The following B3GALT1 variants were observed in gnomAD, a reference collection of about 807,000 sequenced individuals.
B3GALT1 encodes beta-1,3-galactosyltransferase 1, also known as UDP-Gal:betaGlcNAc beta 1,3-galactosyltransferase, polypeptide 1.
A neutral mutation model predicts 23.2 loss-of-function variants in B3GALT1; 10 were observed. The observed-to-expected ratio is 0.43, with a 90% CI of 0.27 to 0.73. The LOEUF (loss-of-function observed/expected upper bound fraction) is 0.73, where lower values mean the gene tolerates loss of function less well. B3GALT1 is among the 30% of genes least tolerant of loss of function. B3GALT1 has a pLI of 0.21. For missense variants in B3GALT1, 299 were observed against 405.4 expected, an observed-to-expected ratio of 0.74 and a Z score of 2.25; for synonymous variants, 156 against 141.5, an observed-to-expected ratio of 1.10 and a Z score of -0.73.
At chr2:167,321,454 G>A (rs182572116) in intron 1 of B3GALT1, among the ~76,000 whole-genome samples, 1 of 151,946 alleles carries the variant, frequency 6.6e-6, no homozygotes, top group Non-Finnish European at 1.5e-5. Flanking sequence ...AAACAGCTTT[G>A]AATTCCACCT....
At chr2:167,443,461 T>G (rs552094330) in intron 1 of B3GALT1, among the ~76,000 whole-genome samples, 3 of 152,242 alleles carry the variant, frequency 2.0e-5, no homozygotes, top group African/African-American at 7.2e-5. Flanking sequence ...TAAATTACCT[T>G]GGGCAGTATG....
chr2:167,398,439 C>G (rs1698133205), intron 1 of B3GALT1, among the ~76,000 whole-genome samples: 1 of 152,136 alleles, frequency 6.6e-6, no homozygotes, highest in African/African-American at 2.4e-5. Context: ...TGCTATCTCT[C>G]TATTCTCCAA....
intron 2 of B3GALT1, among the ~76,000 whole-genome samples, 137 bp from the exon 3 acceptor site, chr2:167,646,772 T>C (rs1685754664): frequency 6.6e-6 from 1 of 152,204 alleles, no homozygotes; most frequent in African/African-American, 2.4e-5. Context: ...AATTATTTGT[T>C]AGTGAAATGC....
intron 1 of B3GALT1, among the ~76,000 whole-genome samples, chr2:167,307,452 A>G (rs1298935391): frequency 2.0e-5 from 3 of 152,022 alleles, no homozygotes; most frequent in South Asian, 2.1e-4. Flanking sequence ...TTGTAGTTCT[A>G]TGTACTTATT....
intron 3 of B3GALT1, among the ~76,000 whole-genome samples, chr2:167,787,929 C>T (rs1368075689): frequency 6.6e-6 from 1 of 152,126 alleles, no homozygotes; most frequent in Non-Finnish European, 1.5e-5. Context: ...GCCAAAGAGC[C>T]AGCATTTGGG....
At chr2:167,519,624 T>G (rs572227082) in intron 2 of B3GALT1, among the ~76,000 whole-genome samples, 150 of 152,342 alleles carry the variant, frequency 9.8e-4, no homozygotes, top group African/African-American at 3.4e-3. Flanking sequence ...TTTTAATAAC[T>G]CTATAGCATT....
At chr2:167,784,178 G>A (rs1484118390) in intron 3 of B3GALT1, among the ~76,000 whole-genome samples, 1 of 152,040 alleles carries the variant, frequency 6.6e-6, no homozygotes, top group Non-Finnish European at 1.5e-5. Flanking sequence ...ACACACAAAG[G>A]GCCTGAAGCT....
intron 2 of B3GALT1, among the ~76,000 whole-genome samples, chr2:167,623,352 C>T (rs955989286): frequency 6.6e-6 from 1 of 152,040 alleles, no homozygotes; most frequent in African/African-American, 2.4e-5. Context: ...TTAGAACCAA[C>T]CCAAATGCCC....
chr2:167,299,520 A>G (rs568827311), intron 1 of B3GALT1, among the ~76,000 whole-genome samples: 2 of 152,250 alleles, frequency 1.3e-5, no homozygotes, highest in Admixed American at 6.5e-5. Flanking sequence ...ATTTTTGAGG[A>G]ATTAGATGAA....
At chr2:167,573,463 C>T (rs184861189) in intron 2 of B3GALT1, among the ~76,000 whole-genome samples, 367 of 151,728 alleles carry the variant, frequency 2.4e-3, no homozygotes, top group Non-Finnish European at 3.2e-3. Context: ...AATAGCTCAA[C>T]GGAAACCTCA....
chr2:167,427,709 A>G (rs1698645288), intron 1 of B3GALT1, among the ~76,000 whole-genome samples: 1 of 152,042 alleles, frequency 6.6e-6, no homozygotes. Flanking sequence ...AGTTTTTTAA[A>G]TTTTTGTAGA....
At chr2:167,531,268 C>T (rs551049838) in intron 2 of B3GALT1, among the ~76,000 whole-genome samples, 209 of 152,134 alleles carry the variant, frequency 1.4e-3, no homozygotes, top group African/African-American at 4.8e-3. Context: ...CAGCATAAAT[C>T]TGTGTGAGGG....
chr2:167,645,915 T>C (rs1414394135), intron 2 of B3GALT1, among the ~76,000 whole-genome samples: 2 of 152,066 alleles, frequency 1.3e-5, no homozygotes, highest in Non-Finnish European at 2.9e-5. Context: ...ATTGCGGTGT[T>C]TGTAAAATGT....
intron 4 of B3GALT1, among the ~76,000 whole-genome samples, chr2:167,833,325 C>T (rs1689389826): frequency 6.6e-6 from 1 of 152,112 alleles, no homozygotes; most frequent in South Asian, 2.1e-4. Context: ...AGCTGTATGG[C>T]AGATGGCAGT....
At chr2:167,342,456 G>A (rs1697164268) in intron 1 of B3GALT1, among the ~76,000 whole-genome samples, 1 of 151,984 alleles carries the variant, frequency 6.6e-6, no homozygotes, top group South Asian at 2.1e-4. Flanking sequence ...CTGGTGTGGT[G>A]GCACACGTCT....
intron 2 of B3GALT1, among the ~76,000 whole-genome samples, chr2:167,591,791 G>T (rs1307831464): frequency 5.3e-5 from 8 of 151,966 alleles, no homozygotes; most frequent in African/African-American, 1.9e-4. Flanking sequence ...TTTTGTTGTT[G>T]TTGTTGTTGT....
chr2:167,529,212 G>A (rs148748910), intron 2 of B3GALT1, among the ~76,000 whole-genome samples: 1 of 152,096 alleles, frequency 6.6e-6, no homozygotes, highest in African/African-American at 2.4e-5. Flanking sequence ...CTCACCAGTA[G>A]TTTCTTCTCA....
chr2:167,634,435 A>G (rs1316681458), intron 2 of B3GALT1, among the ~76,000 whole-genome samples: 2 of 152,160 alleles, frequency 1.3e-5, no homozygotes, highest in Admixed American at 6.6e-5. Context: ...AAGTTCAACA[A>G]AATTGATAGA....
chr2:167,522,020 A>ACAC (rs1558891676), intron 2 of B3GALT1, among the ~76,000 whole-genome samples: 2 of 130,898 alleles, frequency 1.5e-5, no homozygotes, highest in Non-Finnish European at 3.4e-5. Flanking sequence ...ATATATATAT[A>ACAC]ATTATATATA....
Sources: allele counts gnomAD v4.1 joint callset (sites outside exome capture counted in the v4.1 genomes callset), GRCh38; gene constraint gnomAD v4.1.1; transcripts MANE v1.5; gene names NCBI Gene and HGNC (gene_info 2026-07-23, HGNC 2026-07-21).